BCAS3: variants seen among roughly 807,000 people sequenced by gnomAD.
The protein encoded by BCAS3 is BCAS4/BCAS3 fusion.
Under a neutral mutation model 116.1 loss-of-function variants are expected in BCAS3, and 53 were observed. The ratio of observed to expected loss-of-function variants is 0.46; its 90% CI spans 0.37 to 0.57. The LOEUF (loss-of-function observed/expected upper bound fraction) is 0.57, where lower values mean the gene tolerates loss of function less well. Among genes scored for constraint, BCAS3 ranks in the 20% least tolerant of loss-of-function variants. The pLI is 0.00. For missense variants in BCAS3, 917 were observed against 1,165.4 expected, an observed-to-expected ratio of 0.79 and a Z score of 3.10; for synonymous variants, 391 against 408.2, an observed-to-expected ratio of 0.96 and a Z score of 0.51.
intron 22 of BCAS3, among the ~76,000 whole-genome samples, chr17:61,321,482 G>A (rs2055206363): frequency 1.3e-5 from 2 of 152,206 alleles, no homozygotes; most frequent in Admixed American, 1.3e-4. Context: ...AATGGTGAGT[G>A]GCTGATGACC....
chr17:60,969,818 A>C (rs1046586651), intron 14 of BCAS3, among the ~76,000 whole-genome samples: 1 of 152,224 alleles, frequency 6.6e-6, no homozygotes, highest in African/African-American at 2.4e-5. Flanking sequence ...CAGAAAGTAC[A>C]TTTTAACACA....
chr17:61,142,513 T>G (rs2076979144), intron 22 of BCAS3, among the ~76,000 whole-genome samples: 1 of 152,140 alleles, frequency 6.6e-6, no homozygotes, highest in Admixed American at 6.5e-5. Flanking sequence ...TAGATTTGTA[T>G]AGTGCCCTGG....
At chr17:60,778,143 C>A (rs974953573) in intron 6 of BCAS3, among the ~76,000 whole-genome samples, 1 of 151,702 alleles carries the variant, frequency 6.6e-6, no homozygotes, top group African/African-American at 2.4e-5. Flanking sequence ...ATCCTTTCAT[C>A]CTTTCAGTTT....
chr17:61,272,720 G>A lies in BCAS3; in HGVS notation c.2426-95607G>A, dbSNP rs1251926768. Among the ~76,000 whole-genome samples, 3 of 136,578 alleles carry A rather than the reference G, an allele frequency of 2.2e-5. No homozygotes were observed. The East Asian group carries it at 7.4e-4, about 34-fold the overall frequency. 89.6% of individuals were successfully genotyped at this position (136,578 alleles called of 152,430 possible). A position where few individuals can be genotyped will look rare whatever the true frequency, so the allele number is the denominator to read the frequency against. ...AAGTAAAAATTACTTTCATATATAA[G>A]TCGTAGTGTGTAAGTTTCAGGCTAT... is the stretch of plus-strand genomic sequence containing the variant. On this transcript the variant is annotated intron_variant, in intron 22 of 23. Transcript: ENST00000407086.
chr17:61,310,649 G>A (rs3902107), intron 22 of BCAS3, among the ~76,000 whole-genome samples: 40,809 of 151,978 alleles, frequency 0.27, 7,515 homozygotes, highest in African/African-American at 0.53. Flanking sequence ...CTGTCCCCCT[G>A]AGCCCAAGTA....
In BCAS3 at chr17:61,365,459, G is replaced by A. The variant is rs193077106; in HGVS notation, c.2426-2868G>A. Among the ~76,000 whole-genome samples, 132 of 152,140 alleles carry A rather than the reference G, an allele frequency of 8.7e-4. 1 individual carries two copies. The highest frequency in any genetic ancestry group is 3.0e-3 in the African/African-American group (123 of 41,514). On this transcript the variant is annotated intron_variant, in intron 22 of 23. Transcript: ENST00000407086. The surrounding 1 kb of genome is among the most constrained non-coding windows in gnomAD (Gnocchi z 4.6). ...AATGATTCTCCTGCCTCAGCCTCTC[G>A]AGTAGCTGGGATTGCAGGTGCCCGC... is the stretch of plus-strand genomic sequence containing the variant.
chr17:60,978,468 T>C lies in BCAS3; in HGVS notation c.1222-11503T>C, dbSNP rs531374524. Among the ~76,000 whole-genome samples, 817 of 148,218 alleles carry C rather than the reference T, an allele frequency of 5.5e-3. 8 individuals are homozygous for C. The highest frequency in any genetic ancestry group is 0.02 in the African/African-American group (755 of 37,774). On this transcript the variant is annotated intron_variant, in intron 14 of 23. Coordinates refer to ENST00000407086, the MANE Select transcript of BCAS3 (RefSeq NM_017679.5). ...TTTGTAGGTTGCCTGTTCACTCTAA[T>C]GGTAGTTTCTTTTGCTGTGCAGAAG...
intron 22 of BCAS3, among the ~76,000 whole-genome samples, chr17:61,271,371 C>G (rs921827212): frequency 7.0e-6 from 1 of 142,448 alleles, no homozygotes; most frequent in African/African-American, 2.6e-5. Flanking sequence ...CGTGATCCGC[C>G]TGCCTCAGCC....
At chr17:60,838,737 C>T (rs775930242) in intron 7 of BCAS3, among the ~76,000 whole-genome samples, 3 of 152,040 alleles carry the variant, frequency 2.0e-5, no homozygotes, top group South Asian at 2.1e-4. Flanking sequence ...TTCTATATAC[C>T]GCCATTTTGG....
At position 61,181,626 on chromosome 17, in the gene BCAS3, G is replaced by A. The variant is rs1319823920; in HGVS notation, c.2425+97062G>A. ...TTGCCAAATGCTGAGAAAGCAGACA[G>A]TAATTGATGTAGTGAAGATATTTTG... On this transcript the variant is annotated intron_variant, in intron 22 of 23. Coordinates refer to ENST00000407086, the MANE Select transcript of BCAS3 (RefSeq NM_017679.5). This position sits in a 1 kb window ranked among gnomAD's most constrained non-coding sequence, Gnocchi z 5.0. 6.6e-6 allele frequency among the ~76,000 whole-genome samples: 1 copy of A among 152,186 alleles called. No individual in the cohort carries two copies. Among genetic ancestry groups the A allele is most frequent in the Non-Finnish European group, 1.5e-5 (1 of 68,032 alleles).
At chr17:60,880,179 T>C (rs1303426324) in intron 9 of BCAS3, among the ~76,000 whole-genome samples, 1 of 152,168 alleles carries the variant, frequency 6.6e-6, no homozygotes, top group East Asian at 1.9e-4. Flanking sequence ...CTTATGAGAG[T>C]CCTTAATCAG....
intron 22 of BCAS3, among the ~76,000 whole-genome samples, chr17:61,322,824 G>GAGAGAGAGAGAGAGAGAGAGAGAC (rs2055369394): frequency 8.5e-6 from 1 of 117,972 alleles, no homozygotes; most frequent in African/African-American, 3.3e-5. Context: ...GAGAGAGAGA[G>GAGAGAGAGAGAGAGAGAGAGAGAC]AGAGACAGAG....
chr17:61,045,865 A>C (rs1430487350), intron 19 of BCAS3, among the ~76,000 whole-genome samples: 4 of 3,964 alleles, frequency 1.0e-3, no homozygotes, highest in Admixed American at 6.0e-3. Context: ...ATATATATAT[A>C]AATATATATA....
intron 9 of BCAS3, among the ~76,000 whole-genome samples, chr17:60,888,532 T>G (rs2056901489): frequency 6.6e-6 from 1 of 152,204 alleles, no homozygotes; most frequent in Admixed American, 6.5e-5. Context: ...ATAAGATTAA[T>G]CTATTCAATG....
intron 22 of BCAS3, among the ~76,000 whole-genome samples, chr17:61,155,071 G>A (rs181312702): frequency 2.6e-4 from 40 of 152,248 alleles, no homozygotes; most frequent in Admixed American, 2.5e-3. Context: ...GTCAGGCATC[G>A]TGGAAGGCTC....
intron 22 of BCAS3, among the ~76,000 whole-genome samples, chr17:61,250,468 G>T (rs1317971973): frequency 6.6e-6 from 1 of 152,194 alleles, no homozygotes; most frequent in Admixed American, 6.5e-5. Context: ...TAGAAACCAA[G>T]GTTGTAACTG....
intron 14 of BCAS3, among the ~76,000 whole-genome samples, chr17:60,958,988 C>G (rs1462770000): frequency 6.6e-6 from 1 of 152,082 alleles, no homozygotes; most frequent in African/African-American, 2.4e-5. Context: ...CAAAAGAAAC[C>G]TTCGTGACTT....
In BCAS3 at chr17:61,141,645, G is replaced by A. The variant is rs987929811; in HGVS notation, c.2425+57081G>A. Among the ~76,000 whole-genome samples, 1 of 152,128 alleles carries A rather than the reference G, an allele frequency of 6.6e-6. No homozygotes were observed. The highest frequency in any genetic ancestry group is 1.5e-5 in the Non-Finnish European group (1 of 68,016). ...AGGCTGGGCGTGGTGGCTCACACCTGTAATCCCAGCTCTTTGAGAGGCTGA... is the reference window on the plus strand; with the variant it reads ...AGGCTGGGCGTGGTGGCTCACACCTATAATCCCAGCTCTTTGAGAGGCTGA... On this transcript the variant is annotated intron_variant, in intron 22 of 23. Coordinates refer to ENST00000407086, the MANE Select transcript of BCAS3 (RefSeq NM_017679.5). The surrounding 1 kb of genome is among the most constrained non-coding windows in gnomAD (Gnocchi z 4.3).
At chr17:60,984,949 G>C (rs1259929224) in intron 14 of BCAS3, among the ~76,000 whole-genome samples, 2 of 145,908 alleles carry the variant, frequency 1.4e-5, no homozygotes, top group African/African-American at 5.2e-5. Context: ...GACAGAGGTT[G>C]CAGTGAGCCG....
Sources: gnomAD v4.1 joint callset for allele counts (sites outside exome capture counted in the v4.1 genomes callset) on GRCh38, gnomAD v4.1.1 for gene constraint, Gnocchi (gnomAD v3.1) non-coding constraint, MANE v1.5 for transcripts, NCBI Gene and HGNC (gene_info 2026-07-23, HGNC 2026-07-21) for gene names.